The following CAMKMT variants were observed in gnomAD, a reference collection of about 807,000 sequenced individuals.
CAMKMT encodes calmodulin-lysine N-methyltransferase.
In CAMKMT, 53 loss-of-function variants were observed where a neutral mutation model predicts 48.0. The observed-to-expected ratio is 1.10, with a 90% CI of 0.89 to 1.39. The LOEUF is 1.39. CAMKMT is among the 40% of genes most tolerant of loss of function. CAMKMT has a pLI of 0.00. For missense variants in CAMKMT, 428 were observed against 402.7 expected, an observed-to-expected ratio of 1.06 and a Z score of -0.54; for synonymous variants, 165 against 152.3, an observed-to-expected ratio of 1.08 and a Z score of -0.61.
chr2:44,707,923 C>A (rs1044242112), intron 6 of CAMKMT, among the ~76,000 whole-genome samples: 1 of 152,088 alleles, frequency 6.6e-6, no homozygotes, highest in Non-Finnish European at 1.5e-5. Context: ...GCTGAGGGTA[C>A]CTATATCCCC....
chr2:44,394,137 A>T (rs1310917798), intron 3 of CAMKMT, among the ~76,000 whole-genome samples: 1 of 152,136 alleles, frequency 6.6e-6, no homozygotes. Context: ...GTACAATATA[A>T]TGTATATAAT....
At chr2:44,748,347 A>G (rs906890065) in intron 8 of CAMKMT, among the ~76,000 whole-genome samples, 24 of 152,120 alleles carry the variant, frequency 1.6e-4, no homozygotes, top group African/African-American at 5.6e-4. Flanking sequence ...TTAAGGGGAA[A>G]TAGCACTTTA....
At chr2:44,524,752 C>G (rs1476127180) in intron 3 of CAMKMT, among the ~76,000 whole-genome samples, 2 of 152,206 alleles carry the variant, frequency 1.3e-5, no homozygotes, top group African/African-American at 4.8e-5. Flanking sequence ...GTCACAATAA[C>G]TGGGACTCCT....
intron 3 of CAMKMT, among the ~76,000 whole-genome samples, chr2:44,612,535 T>C (rs1411168466): frequency 6.6e-6 from 1 of 152,230 alleles, no homozygotes; most frequent in Non-Finnish European, 1.5e-5. Context: ...CAGTTATGGA[T>C]ATTTCCCTAT....
chr2:44,477,176 A>G (rs1421305468), intron 3 of CAMKMT, among the ~76,000 whole-genome samples: 1 of 152,204 alleles, frequency 6.6e-6, no homozygotes, highest in Non-Finnish European at 1.5e-5. Flanking sequence ...ACAAAAGTTC[A>G]GTTTGCCGTA....
At chr2:44,715,883 C>A (rs1678151816) in intron 7 of CAMKMT, among the ~76,000 whole-genome samples, 1 of 152,128 alleles carries the variant, frequency 6.6e-6, no homozygotes, top group Non-Finnish European at 1.5e-5. Context: ...GTCAATAGTG[C>A]CAACACTGAG....
At chr2:44,708,981 A>T (rs1677723535) in intron 6 of CAMKMT, among the ~76,000 whole-genome samples, 1 of 152,190 alleles carries the variant, frequency 6.6e-6, no homozygotes, top group South Asian at 2.1e-4. Context: ...AAACATCTGT[A>T]GTCAGTATGT....
chr2:44,722,278 G>A (rs1159069676), intron 7 of CAMKMT, among the ~76,000 whole-genome samples: 1 of 149,302 alleles, frequency 6.7e-6, no homozygotes, highest in East Asian at 2.0e-4. Context: ...TGGTCACATG[G>A]TAACTATATT....
chr2:44,537,172 TTAAAC>T (rs1438875990), intron 3 of CAMKMT, among the ~76,000 whole-genome samples: 1 of 152,066 alleles, frequency 6.6e-6, no homozygotes, highest in Non-Finnish European at 1.5e-5. Context: ...TGGGACAATA[TTAAAC>T]TAAAAAGCCT....
At chr2:44,387,887 G>A (rs1680930305) in intron 2 of CAMKMT, among the ~76,000 whole-genome samples, 1 of 152,216 alleles carries the variant, frequency 6.6e-6, no homozygotes, top group East Asian at 1.9e-4. Context: ...TAGGGTTTCT[G>A]CTGAGAAATC....
At chr2:44,433,822 A>G (rs1014160657) in intron 3 of CAMKMT, among the ~76,000 whole-genome samples, 1 of 152,192 alleles carries the variant, frequency 6.6e-6, no homozygotes, top group African/African-American at 2.4e-5. Context: ...TTTTTCCTCA[A>G]TTTAAGAGAA....
At chr2:44,503,936 T>A (rs1351144971) in intron 3 of CAMKMT, among the ~76,000 whole-genome samples, 1 of 149,644 alleles carries the variant, frequency 6.7e-6, no homozygotes, top group Non-Finnish European at 1.5e-5. Context: ...AATTTACTTG[T>A]GGAGAGAGGT....
At chr2:44,422,549 A>G (rs1431216521) in intron 3 of CAMKMT, among the ~76,000 whole-genome samples, 1 of 152,196 alleles carries the variant, frequency 6.6e-6, no homozygotes, top group East Asian at 1.9e-4. Flanking sequence ...CATCAGTGCT[A>G]GCACTACTGG....
In CAMKMT at chr2:44,574,889, A is replaced by G. The variant is rs576269434; in HGVS notation, c.377-129394A>G. ...CCAAGTAGCTGGGACTACAGGCATG[A>G]GCCACCACGCCCAGCTAACTGGCTA... On this transcript the variant is annotated intron_variant, in intron 3 of 10. Transcript: ENST00000378494. 1.5e-4 allele frequency among the ~76,000 whole-genome samples: 22 copies of G among 149,396 alleles called. No homozygotes were observed. The South Asian group carries it at 1.7e-3, about 12-fold the overall frequency.
chr2:44,707,264 A>G lies in CAMKMT; in HGVS notation c.493-135A>G, dbSNP rs935010777. 3 of 717,872 alleles carry G rather than the reference A, an allele frequency of 4.2e-6. No individual in the cohort carries two copies. The South Asian group carries it at 5.1e-5, about 12-fold the overall frequency. The allele number at this position is 717,872 out of a possible 1,614,324, so 44.5% of individuals were successfully genotyped here. A position where few individuals can be genotyped will look rare whatever the true frequency, so the allele number is the denominator to read the frequency against. ...ATGATTAAAATAATGCAGACATAAA[A>G]TGAAAAAAGATTGAAGATTGTTACA... On this transcript the variant is annotated intron_variant, in intron 5 of 10. Transcript: ENST00000378494.
intron 3 of CAMKMT, among the ~76,000 whole-genome samples, chr2:44,421,686 T>G (rs1683944819): frequency 1.3e-5 from 2 of 152,230 alleles, no homozygotes. Context: ...TTTTCTTTGT[T>G]TTGAAAGCAT....
At chr2:44,544,123 T>TA (rs1390750405) in intron 3 of CAMKMT, among the ~76,000 whole-genome samples, 1 of 151,816 alleles carries the variant, frequency 6.6e-6, no homozygotes, top group Non-Finnish European at 1.5e-5. Context: ...AAAAGAGGAG[T>TA]ATGAGAAAAA....
intron 3 of CAMKMT, among the ~76,000 whole-genome samples, chr2:44,579,537 T>G (rs191290475): frequency 1.3e-5 from 2 of 152,344 alleles, no homozygotes; most frequent in African/African-American, 4.8e-5. Flanking sequence ...AAGAGAATGC[T>G]GTTGAAAAAG....
intron 3 of CAMKMT, among the ~76,000 whole-genome samples, chr2:44,599,755 A>C (rs1343004035): frequency 1.3e-5 from 2 of 151,926 alleles, no homozygotes; most frequent in African/African-American, 2.4e-5. Flanking sequence ...TTAGTCTAAT[A>C]ACCAAGCCTG....
Sources: gnomAD v4.1 joint callset for allele counts (sites outside exome capture counted in the v4.1 genomes callset) on GRCh38, gnomAD v4.1.1 for gene constraint, MANE v1.5 for transcripts, NCBI Gene and HGNC (gene_info 2026-07-23, HGNC 2026-07-21) for gene names.